Variants in SAXO1 observed in about 807,000 individuals in gnomAD.
The protein encoded by SAXO1 is stabilizer of axonemal microtubules 1, also known as 4930500O09Rik.
A neutral mutation model predicts 17.5 loss-of-function variants in SAXO1; 21 were observed. That is an observed-to-expected ratio of 1.20 (90% CI 0.85 to 1.72). SAXO1 has a LOEUF of 1.72. Among genes scored for constraint, SAXO1 ranks in the 40% most tolerant of loss-of-function variants. SAXO1 has a pLI of 0.00. For missense variants in SAXO1, 843 were observed against 596.0 expected (o/e 1.41, Z -4.32); for synonymous variants, 274 against 216.5 (o/e 1.27, Z -2.33).
chr9:19,033,270 G>A (rs1421210006), upstream of SAXO1: 1 of 246,378 alleles, frequency 4.1e-6, no homozygotes, highest in East Asian at 7.6e-5. Context: ...CCAGGGCCAG[G>A]AGGGGCACGC....
At chr9:18,936,798 C>T (rs1380617940) in intron 3 of SAXO1, among the ~76,000 whole-genome samples, 1 of 152,186 alleles carries the variant, frequency 6.6e-6, no homozygotes, top group African/African-American at 2.4e-5. Flanking sequence ...AGTAATTACA[C>T]TCTCAATCTT....
intron 1 of SAXO1, among the ~76,000 whole-genome samples, chr9:18,966,594 T>C (rs7864387): frequency 0.16 from 24,151 of 152,206 alleles, 3,920 homozygotes; most frequent in African/African-American, 0.42. Flanking sequence ...CTCCATCAAG[T>C]CATTTATATT....
At chr9:19,046,566 G>A (rs1836221342) in intron 1 of SAXO1, among the ~76,000 whole-genome samples, 1 of 152,098 alleles carries the variant, frequency 6.6e-6, no homozygotes, top group Non-Finnish European at 1.5e-5. Context: ...GCCAGACAAG[G>A]TGGCACATGC....
intron 1 of SAXO1, among the ~76,000 whole-genome samples, chr9:19,021,553 A>G (rs1165756989): frequency 6.6e-6 from 1 of 152,132 alleles, no homozygotes; most frequent in Non-Finnish European, 1.5e-5. Flanking sequence ...GCTATAGATG[A>G]TGGGAATCCC....
chr9:18,941,498 G>A, intron 3 of SAXO1, 139 bp downstream of exon 3: 1 of 857,712 alleles, frequency 1.2e-6, no homozygotes, highest in Non-Finnish European at 1.8e-6. Flanking sequence ...TACAAAAACA[G>A]GCTGCTGGCC....
At position 18,932,993 on chromosome 9, in the gene SAXO1, G is replaced by C. The variant is rs553493249; in HGVS notation, c.422-3938C>G. Among the ~76,000 whole-genome samples the C allele has an allele frequency of 2.6e-5, 4 of 152,254 alleles. No homozygotes were observed. In the South Asian group the frequency reaches 8.3e-4, roughly 32 times the overall value. The stretch of plus-strand genomic sequence containing the variant: ...AAAGACAGCTTCGCATTTTCCTTTT[G>C]AGCCTAGATACATTTACTTGTCTGC... On this transcript the variant is annotated intron_variant, in intron 3 of 3. Transcript: ENST00000380534.
intron 1 of SAXO1, among the ~76,000 whole-genome samples, chr9:19,008,071 C>T (rs1264481290): frequency 6.6e-6 from 1 of 151,904 alleles, no homozygotes; most frequent in African/African-American, 2.4e-5. Context: ...AGGCTTAAGC[C>T]ATCCACTCAC....
chr9:19,027,391 C>G, intron 1 of SAXO1: 1 of 765,270 alleles, frequency 1.3e-6, no homozygotes, highest in South Asian at 1.4e-5. Flanking sequence ...ACCCACGGAG[C>G]AATACAGTGA....
At chr9:18,960,386 G>A (rs986921812) in intron 1 of SAXO1, among the ~76,000 whole-genome samples, 3 of 152,126 alleles carry the variant, frequency 2.0e-5, no homozygotes, top group South Asian at 4.2e-4. Context: ...TATGAGGCCC[G>A]GGGAACACTC....
intron 1 of SAXO1, among the ~76,000 whole-genome samples, chr9:18,988,479 A>G (rs546450197): frequency 1.3e-5 from 2 of 152,350 alleles, no homozygotes; most frequent in South Asian, 2.1e-4. Context: ...ATGTGTATGT[A>G]TTATGTTAAG....
intron 1 of SAXO1, chr9:19,027,351 G>T (rs372548543): frequency 2.6e-6 from 2 of 780,184 alleles, no homozygotes; most frequent in Admixed American, 1.7e-5. Flanking sequence ...AGTACGACTC[G>T]CGGGTGAAGG....
chr9:18,963,795 C>T (rs1205709409), intron 1 of SAXO1, among the ~76,000 whole-genome samples: 1 of 152,172 alleles, frequency 6.6e-6, no homozygotes, highest in Non-Finnish European at 1.5e-5. Flanking sequence ...CTTTCTCTTG[C>T]CTGATTGCCC....
At chr9:18,940,746 G>A (rs1225512638) in intron 3 of SAXO1, among the ~76,000 whole-genome samples, 2 of 152,188 alleles carry the variant, frequency 1.3e-5, no homozygotes, top group Admixed American at 6.5e-5. Flanking sequence ...GTGGCTGTCT[G>A]CTAGCAAAAC....
chr9:18,999,701 T>TG, intron 1 of SAXO1, among the ~76,000 whole-genome samples: 1 of 146,286 alleles, frequency 6.8e-6, no homozygotes. Context: ...CCACACCATC[T>TG]GGAGAGTGAG....
intron 1 of SAXO1, among the ~76,000 whole-genome samples, chr9:19,023,149 AC>A (rs1381667803): frequency 2.1e-4 from 7 of 33,962 alleles, no homozygotes; most frequent in South Asian, 1.5e-3. Context: ...ATCCCCCCCC[AC>A]CCCCCCGCCC....
intron 1 of SAXO1, among the ~76,000 whole-genome samples, chr9:18,953,470 A>C (rs772921807): frequency 1.3e-5 from 2 of 152,246 alleles, no homozygotes; most frequent in Non-Finnish European, 2.9e-5. Context: ...GTTCCATTAA[A>C]TGGAATTATA....
At chr9:18,991,349 A>T (rs1027408172) in intron 1 of SAXO1, among the ~76,000 whole-genome samples, 2 of 152,220 alleles carry the variant, frequency 1.3e-5, no homozygotes, top group Non-Finnish European at 2.9e-5. Flanking sequence ...GGATTAAGAA[A>T]ATGCATCACA....
chr9:18,971,282 C>G (rs1051268350), intron 1 of SAXO1, among the ~76,000 whole-genome samples: 1 of 152,046 alleles, frequency 6.6e-6, no homozygotes, highest in African/African-American at 2.4e-5. Context: ...TGAATATTCC[C>G]CATGCCCCAC....
chr9:18,970,601 G>A (rs978501506), intron 1 of SAXO1, among the ~76,000 whole-genome samples: 1 of 152,212 alleles, frequency 6.6e-6, no homozygotes, highest in South Asian at 2.1e-4. Context: ...ACACGCATAT[G>A]AGATACAGCC....
Sources: allele counts gnomAD v4.1 joint callset (sites outside exome capture counted in the v4.1 genomes callset), GRCh38; gene constraint gnomAD v4.1.1; transcripts MANE v1.5; gene names NCBI Gene and HGNC (gene_info 2026-07-23, HGNC 2026-07-21).